SDK1: variants seen among roughly 807,000 people sequenced by gnomAD.
The protein encoded by SDK1 is protein sidekick-1.
Under a neutral mutation model 245.5 loss-of-function variants are expected in SDK1, and 157 were observed. The observed-to-expected ratio is 0.64, with a 90% CI of 0.56 to 0.73. SDK1 has a LOEUF of 0.73. Ranked by LOEUF, SDK1 falls within the 30% of genes least tolerant of loss-of-function variation. The pLI is 0.00. For synonymous variants in SDK1, 1,647 were observed against 1,278.5 expected (o/e 1.29, Z -6.15); for missense variants, 3,583 against 3,002.3 (o/e 1.19, Z -4.52).
In SDK1 at chr7:3,542,407, C is replaced by T. The variant is rs949190229; in HGVS notation, c.299-76673C>T. Among the ~76,000 whole-genome samples, 13 of 152,202 alleles carry T rather than the reference C, an allele frequency of 8.5e-5. 1 individual carries two copies. The highest frequency in any genetic ancestry group is 8.5e-4 in the Admixed American group (13 of 15,278). On this transcript the variant is annotated intron_variant, in intron 1 of 44. Transcript: ENST00000404826. The stretch of plus-strand genomic sequence containing the variant: ...GGCATGACCCTTTGCTTTACACCTG[C>T]ATAGCTGGTGTGGCCTTTTCTCCCA...
rs1192800158 is a variant in SDK1 at position 4,139,692 on chromosome 7, TGTG to T, written c.4229-6029_4229-6027del. On this transcript the variant is annotated intron_variant, in intron 28 of 44. Transcript: ENST00000404826. ...GTGTGTGTATATGTGTGTGTGTGTA[TGTG>T]TGTGTGTGTATGTGTGTGTGTGTGT... is the stretch of plus-strand genomic sequence containing the variant. Among the ~76,000 whole-genome samples, 13 of 42,022 alleles carry T rather than the reference TGTG, an allele frequency of 3.1e-4. 2 individuals are homozygous for T. Among genetic ancestry groups the T allele is most frequent in the Non-Finnish European group, 3.3e-4 (6 of 18,054 alleles). 27.6% of individuals were successfully genotyped at this position (42,022 alleles called of 152,430 possible). A position where few individuals can be genotyped will look rare whatever the true frequency, so the allele number is the denominator to read the frequency against.
intron 1 of SDK1, among the ~76,000 whole-genome samples, chr7:3,566,113 G>T (rs1779908104): frequency 6.6e-6 from 1 of 151,588 alleles, no homozygotes; most frequent in South Asian, 2.1e-4. Context: ...AGTAAATAGA[G>T]TTTTTATTCT....
At chr7:3,345,182 G>C (rs1234247475) in intron 1 of SDK1, among the ~76,000 whole-genome samples, 2 of 152,142 alleles carry the variant, frequency 1.3e-5, no homozygotes, top group Non-Finnish European at 2.9e-5. Context: ...TGGATTTGGA[G>C]GATTTTATTT....
chr7:3,407,124 G>T (rs958969543), intron 1 of SDK1, among the ~76,000 whole-genome samples: 1 of 152,156 alleles, frequency 6.6e-6, no homozygotes, highest in Non-Finnish European at 1.5e-5. Flanking sequence ...AAGGGCTACT[G>T]CTCTGCACTA....
intron 1 of SDK1, among the ~76,000 whole-genome samples, chr7:3,415,035 T>G (rs1386402291): frequency 6.6e-6 from 1 of 152,232 alleles, no homozygotes; most frequent in African/African-American, 2.4e-5. Context: ...TATGAACATT[T>G]GTGTAGCAGT....
chr7:3,500,890 A>G (rs760858876), intron 1 of SDK1, among the ~76,000 whole-genome samples: 6 of 151,544 alleles, frequency 4.0e-5, no homozygotes, highest in East Asian at 3.9e-4. Context: ...ATTTTCTTCT[A>G]TCATGTTAAT....
chr7:4,099,144 G>C (rs552935664), intron 22 of SDK1, among the ~76,000 whole-genome samples: 1 of 152,120 alleles, frequency 6.6e-6, no homozygotes, highest in East Asian at 2.0e-4. Flanking sequence ...TTCGATGGGA[G>C]GGAAGACATT....
At chr7:3,845,052 TG>T (rs1335194214) in intron 5 of SDK1, among the ~76,000 whole-genome samples, 1 of 151,842 alleles carries the variant, frequency 6.6e-6, no homozygotes, top group African/African-American at 2.4e-5. Flanking sequence ...AGAGGCAAAG[TG>T]GGTCAGCTGC....
intron 35 of SDK1, 53 bp from the exon 36 acceptor site, chr7:4,205,826 G>T: frequency 1.4e-6 from 2 of 1,429,096 alleles, no homozygotes; most frequent in Non-Finnish European, 9.6e-7. Flanking sequence ...GCGAGGGTCC[G>T]GGCCGGCTCT....
chr7:3,747,461 T>C (rs560590376), intron 4 of SDK1, among the ~76,000 whole-genome samples: 1 of 152,358 alleles, frequency 6.6e-6, no homozygotes, highest in East Asian at 1.9e-4. Context: ...TTAGATGCAC[T>C]GTGGCTTTTG....
chr7:3,596,142 T>C (rs776609909), intron 1 of SDK1, among the ~76,000 whole-genome samples: 9 of 152,142 alleles, frequency 5.9e-5, no homozygotes, highest in Non-Finnish European at 1.3e-4. Context: ...TTTCCTTTGT[T>C]GGTGCTCAAA....
At position 4,268,390 on chromosome 7, in the gene SDK1, A is replaced by G. The variant is rs561414833; in HGVS notation, c.*3006A>G. The G allele has an allele frequency of 2.9e-4, 306 of 1,070,338 alleles. No individual in the cohort carries two copies. The highest frequency in any genetic ancestry group is 9.6e-4 in the Admixed American group (20 of 20,898). The allele number at this position is 1,070,338 out of a possible 1,614,324, so 66.3% of individuals were successfully genotyped here. A position where few individuals can be genotyped will look rare whatever the true frequency, so the allele number is the denominator to read the frequency against. ...TCCTGCACGGCCACCTTCTGGGTGAATCGGTCCAGCCCAAGCCCCTCTCCC... is the reference window on the plus strand; with the variant it reads ...TCCTGCACGGCCACCTTCTGGGTGAGTCGGTCCAGCCCAAGCCCCTCTCCC... On this transcript the variant is annotated 3_prime_UTR_variant, in exon 45 of 45. Transcript: ENST00000404826.
At chr7:3,628,281 T>A (rs1782180593) in intron 2 of SDK1, among the ~76,000 whole-genome samples, 1 of 152,174 alleles carries the variant, frequency 6.6e-6, no homozygotes, top group Non-Finnish European at 1.5e-5. Flanking sequence ...GCATATTTTC[T>A]TTCTTTCAAG....
At chr7:3,645,497 A>G (rs1283872515) in intron 4 of SDK1, among the ~76,000 whole-genome samples, 1 of 152,230 alleles carries the variant, frequency 6.6e-6, no homozygotes, top group African/African-American at 2.4e-5. Context: ...CCAAAGACAT[A>G]TAGCTTTCAC....
At chr7:4,149,228 C>T (rs770593042) in intron 29 of SDK1, 34 bp from the exon 30 acceptor site, 2 of 1,452,550 alleles carry the variant, frequency 1.4e-6, no homozygotes, top group South Asian at 1.5e-5. Context: ...GGCAGCCTCT[C>T]ACATGTCCCT....
At chr7:3,514,348 T>C (rs1317844188) in intron 1 of SDK1, among the ~76,000 whole-genome samples, 1 of 152,226 alleles carries the variant, frequency 6.6e-6, no homozygotes, top group African/African-American at 2.4e-5. Flanking sequence ...AAAAAATATA[T>C]ACTTAAAACA....
chr7:3,413,913 C>T (rs141489745), intron 1 of SDK1, among the ~76,000 whole-genome samples: 4 of 152,270 alleles, frequency 2.6e-5, no homozygotes, highest in Admixed American at 1.3e-4. Context: ...TTCAAAGTTG[C>T]AGTGAGCAGT....
intron 2 of SDK1, among the ~76,000 whole-genome samples, chr7:3,633,179 C>T (rs771903975): frequency 6.6e-6 from 1 of 151,604 alleles, no homozygotes; most frequent in Non-Finnish European, 1.5e-5. Flanking sequence ...ATTTTCATAC[C>T]AGCATAAAAA....
At chr7:4,192,424 C>T (rs1046492293) in intron 35 of SDK1, among the ~76,000 whole-genome samples, 24 of 152,146 alleles carry the variant, frequency 1.6e-4, no homozygotes, top group South Asian at 8.3e-4. Flanking sequence ...TACAGGTGCC[C>T]GCCACCACGC....
Sources: allele counts gnomAD v4.1 joint callset (sites outside exome capture counted in the v4.1 genomes callset), GRCh38; gene constraint gnomAD v4.1.1; transcripts MANE v1.5; gene names NCBI Gene and HGNC (gene_info 2026-07-23, HGNC 2026-07-21).